The following METTL6 variants were observed in gnomAD, a reference collection of about 807,000 sequenced individuals.
METTL6 encodes the protein tRNA N(3)-cytidine methyltransferase METTL6.
Under a neutral mutation model 26.4 loss-of-function variants are expected in METTL6, and 22 were observed. The ratio of observed to expected loss-of-function variants is 0.83; its 90% CI spans 0.59 to 1.19. METTL6 has a LOEUF of 1.19. Ranked by LOEUF, METTL6 falls within the 50% of genes most tolerant of loss-of-function variation. The pLI is 0.00. For synonymous variants in METTL6, 109 were observed against 116.2 expected (o/e 0.94, Z 0.40); for missense variants, 304 against 324.8 (o/e 0.94, Z 0.49).
Position 15,424,955 on chromosome 3 carries a change from C to T in METTL6, c.360G>A (p.Lys120=). 6.2e-7 allele frequency: 1 copy of T among 1,614,068 alleles called. No individual in the cohort carries two copies. Among genetic ancestry groups the T allele is most frequent in the Non-Finnish European group, 8.5e-7 (1 of 1,179,994 alleles). The change falls in exon 3 of 6, where the codon AAG becomes AAA. Residue 120 remains lysine, a splice_region_variant and synonymous_variant. Transcript: ENST00000383790. ...CAGAATACATAGATGGTGCACCAAC[C>T]TTAACATATTCAATGGCTCTTGGAG... ...DFSPRAIEYV[K]QNPLYDTERC...
intron 6 of METTL6, among the ~76,000 whole-genome samples, chr3:15,392,913 T>C (rs1699388560): frequency 6.6e-6 from 1 of 152,212 alleles, no homozygotes; most frequent in South Asian, 2.1e-4. Context: ...TGTAGTATAG[T>C]TTGAAGTCAG....
chr3:15,400,212 C>T lies in METTL6; in HGVS notation c.*11+11033G>A, dbSNP rs925589228. On this transcript the variant is annotated intron_variant, in intron 6 of 6. Transcript: ENST00000443029. ...CCCCTCTCCCTTCTAGAATTTGTGC[C>T]GTGACCTCCTCTCCGCACCCCCACC... Among the ~76,000 whole-genome samples the T allele has an allele frequency of 1.4e-4, 21 of 152,124 alleles. No homozygotes were observed. The East Asian group carries it at 1.5e-3, about 11-fold the overall frequency.
chr3:15,408,894 G>A (rs1402238473), downstream of METTL6, among the ~76,000 whole-genome samples: 1 of 152,122 alleles, frequency 6.6e-6, no homozygotes, highest in Non-Finnish European at 1.5e-5. Context: ...GGACTTCTAC[G>A]GAGGGGGCAG....
exon 7 of METTL6, chr3:15,382,732 G>A (rs1442757619): frequency 2.0e-5 from 3 of 149,028 alleles, no homozygotes; most frequent in South Asian, 2.1e-4. Context: ...GAAACCCCAC[G>A]AAAATGACAG....
Position 15,393,592 on chromosome 3 carries a change from C to A in METTL6, c.*12-9405G>T, listed in dbSNP as rs564932111. Among the ~76,000 whole-genome samples the A allele has an allele frequency of 1.2e-3, 181 of 152,280 alleles. 1 individual carries two copies. The highest frequency in any genetic ancestry group is 4.7e-4 in the Non-Finnish European group (32 of 68,022). On this transcript the variant is annotated intron_variant, in intron 6 of 6. Coordinates refer to the METTL6 transcript ENST00000443029. The stretch of plus-strand genomic sequence containing the variant: ...CTTGTGCCACTTTTCAAAGGGAATG[C>A]TTCCAGTTTTTGCTCATTCAGTATG...
intron 6 of METTL6, among the ~76,000 whole-genome samples, chr3:15,401,282 G>A (rs1382598038): frequency 5.9e-5 from 9 of 151,734 alleles, no homozygotes; most frequent in African/African-American, 1.7e-4. Flanking sequence ...CTTGTGATCC[G>A]CCCGCCTCGG....
At chr3:15,424,377 C>A (rs1409025017) in intron 3 of METTL6, among the ~76,000 whole-genome samples, 1 of 152,176 alleles carries the variant, frequency 6.6e-6, no homozygotes, top group Non-Finnish European at 1.5e-5. Flanking sequence ...AGTGATCTTC[C>A]CACCTCAGCC....
At chr3:15,389,518 T>G (rs1001704417) in intron 6 of METTL6, among the ~76,000 whole-genome samples, 2 of 152,166 alleles carry the variant, frequency 1.3e-5, no homozygotes, top group African/African-American at 4.8e-5. Context: ...TGAGGTTGCC[T>G]TGCCTGTACT....
At chr3:15,414,645 G>A (rs983160313) in intron 4 of METTL6, 21 of 282,526 alleles carry the variant, frequency 7.4e-5, no homozygotes, top group Non-Finnish European at 1.3e-4. Context: ...GAGCCACCTC[G>A]CTCGTCCCTG....
chr3:15,396,541 G>A (rs112822035), intron 6 of METTL6, among the ~76,000 whole-genome samples: 7 of 152,284 alleles, frequency 4.6e-5, no homozygotes, highest in African/African-American at 7.2e-5. Context: ...GAGGAGCTGC[G>A]TTCCTTTGGA....
At chr3:15,386,435 G>A (rs529417527) in intron 6 of METTL6, among the ~76,000 whole-genome samples, 54 of 152,262 alleles carry the variant, frequency 3.5e-4, no homozygotes, top group Non-Finnish European at 6.0e-4. Flanking sequence ...AAGTTTTAGA[G>A]CAGGAATGAA....
chr3:15,413,823 A>C lies in METTL6; in HGVS notation c.673+198T>G, dbSNP rs200244293. ...TTAGGGGAGTCACTGACACCAGAGA[A>C]GGCTTGTGAGCTCTTCAAGGGCAGG... is the stretch of plus-strand genomic sequence containing the variant. On this transcript the variant is annotated intron_variant, in intron 5 of 5. Coordinates refer to ENST00000383790, the MANE Select transcript of METTL6 (RefSeq NM_152396.4). 1.9e-5 allele frequency: 28 copies of C among 1,493,858 alleles called. No homozygotes were observed. The East Asian group carries it at 6.4e-4, about 34-fold the overall frequency. 92.5% of individuals were successfully genotyped at this position (1,493,858 alleles called of 1,614,324 possible).
rs909802972 is a variant in METTL6 at position 15,411,600 on chromosome 3, TCTC to T, written c.674-166_674-164del. On this transcript the variant is annotated intron_variant, in intron 5 of 5. Coordinates refer to ENST00000383790, the MANE Select transcript of METTL6 (RefSeq NM_152396.4). ...TTGATTTGGGAACTAATACACTCCT[TCTC>T]CTCTTCTACCCAAACAGAAACCTCC... 3.9e-5 allele frequency among the ~76,000 whole-genome samples: 6 copies of T among 152,160 alleles called. No homozygotes were observed. The South Asian group carries it at 1.0e-3, about 26-fold the overall frequency.
intron 6 of METTL6, among the ~76,000 whole-genome samples, chr3:15,397,014 T>C (rs568173680): frequency 6.6e-6 from 1 of 152,314 alleles, no homozygotes; most frequent in African/African-American, 2.4e-5. Flanking sequence ...TTCAAAGCTG[T>C]CAGACAGGGA....
At chr3:15,408,126 T>C (rs1699849943), downstream of METTL6, among the ~76,000 whole-genome samples, 1 of 152,200 alleles carries the variant, frequency 6.6e-6, no homozygotes, top group Non-Finnish European at 1.5e-5. Context: ...TTAAACTTTT[T>C]TGGGGAGAAT....
chr3:15,403,322 A>G (rs1699699695), intron 6 of METTL6, among the ~76,000 whole-genome samples: 1 of 152,068 alleles, frequency 6.6e-6, no homozygotes, highest in Admixed American at 6.6e-5. Flanking sequence ...CATTTTGCCC[A>G]TTTTGTCAGC....
intron 6 of METTL6, among the ~76,000 whole-genome samples, chr3:15,386,981 G>T (rs1484710444): frequency 7.7e-6 from 1 of 130,310 alleles, no homozygotes; most frequent in South Asian, 2.4e-4. Context: ...TAGCAGAGAT[G>T]GGGGGTGGTT....
chr3:15,402,662 A>C (rs890701793), intron 6 of METTL6, among the ~76,000 whole-genome samples: 1 of 147,702 alleles, frequency 6.8e-6, no homozygotes, highest in African/African-American at 2.5e-5. Context: ...TGAACCGAGG[A>C]GGCGGAGGTT....
At chr3:15,400,464 T>A (rs899754791) in intron 6 of METTL6, among the ~76,000 whole-genome samples, 1 of 152,182 alleles carries the variant, frequency 6.6e-6, no homozygotes, top group Non-Finnish European at 1.5e-5. Context: ...TATTGAACTT[T>A]CAGAGGGTGA....
Sources: allele counts gnomAD v4.1 joint callset (sites outside exome capture counted in the v4.1 genomes callset), GRCh38; gene constraint gnomAD v4.1.1; transcripts MANE v1.5; gene names NCBI Gene and HGNC (gene_info 2026-07-23, HGNC 2026-07-21).